Variants in ADAP1 observed in about 807,000 individuals in gnomAD.
ADAP1 encodes arf-GAP with dual PH domain-containing protein 1.
ADAP1 carries 31 observed loss-of-function variants against 54.9 expected under a neutral mutation model. The observed-to-expected ratio is 0.56, with a 90% CI of 0.42 to 0.76. ADAP1 has a LOEUF of 0.76. Among genes scored for constraint, ADAP1 ranks in the 30% least tolerant of loss-of-function variants. ADAP1 has a pLI of 0.00. For synonymous variants in ADAP1, 313 were observed against 202.6 expected (o/e 1.55, Z -4.63); for missense variants, 535 against 512.4 (o/e 1.04, Z -0.42).
At chr7:948,766 G>A (rs897794323) in intron 1 of ADAP1, among the ~76,000 whole-genome samples, 8 of 151,894 alleles carry the variant, frequency 5.3e-5, no homozygotes, top group African/African-American at 1.2e-4. Context: ...GCATGATCTC[G>A]GCTCTCTGCA....
Position 920,958 on chromosome 7 carries a change from C to A in ADAP1, c.306-908G>T. 3 of 1,230,186 alleles carry A rather than the reference C, an allele frequency of 2.4e-6. No homozygotes were observed. Among genetic ancestry groups the A allele is most frequent in the Non-Finnish European group, 3.4e-6 (3 of 875,008 alleles). 76.2% of individuals were successfully genotyped at this position (1,230,186 alleles called of 1,614,324 possible). ...CACGTGAACAGCCTTGGAGACTGGG[C>A]GGGAATCCTCGCCCACAGGATCTGA... On this transcript the variant is annotated intron_variant, in intron 3 of 10. Coordinates refer to ENST00000265846, the MANE Select transcript of ADAP1 (RefSeq NM_006869.4). The surrounding 1 kb of genome is among the most constrained non-coding windows in gnomAD (Gnocchi z 4.5).
At chr7:953,080 C>T (rs1847307568) in intron 1 of ADAP1, among the ~76,000 whole-genome samples, 1 of 152,178 alleles carries the variant, frequency 6.6e-6, no homozygotes, top group African/African-American at 2.4e-5. Context: ...TGGGCCACAG[C>T]AACCCCAGGC....
At chr7:905,622 G>GGAAAGGAGAAAGGAGAAAGGGAAAGGA (rs1562912456) in intron 4 of ADAP1, 1 of 37,590 alleles carries the variant, frequency 2.7e-5, no homozygotes, top group Non-Finnish European at 4.6e-5. Flanking sequence ...AAGGAGAAAG[G>GGAAAGGAGAAAGGAGAAAGGGAAAGGA]GAAAGGAGAA....
intron 6 of ADAP1, among the ~76,000 whole-genome samples, chr7:901,895 A>C (rs1475149235): frequency 6.6e-6 from 1 of 151,644 alleles, no homozygotes; most frequent in Non-Finnish European, 1.5e-5. Flanking sequence ...GGTCCCCCGG[A>C]AATGCAGGGG....
intron 4 of ADAP1, among the ~76,000 whole-genome samples, chr7:910,807 A>C (rs1470379186): frequency 6.6e-6 from 1 of 152,080 alleles, no homozygotes; most frequent in African/African-American, 2.4e-5. Flanking sequence ...GGCCTCTGAG[A>C]ACGGGGCCGA....
rs1275444362 is a variant in ADAP1 at position 926,353 on chromosome 7, G to A, written c.305+200C>T. 6.6e-6 allele frequency among the ~76,000 whole-genome samples: 1 copy of A among 151,108 alleles called. No individual in the cohort carries two copies. Among genetic ancestry groups the A allele is most frequent in the African/African-American group, 2.4e-5 (1 of 41,182 alleles). On this transcript the variant is annotated intron_variant, in intron 3 of 10. Coordinates refer to ENST00000265846, the MANE Select transcript of ADAP1 (RefSeq NM_006869.4). The surrounding 1 kb of genome is among the most constrained non-coding windows in gnomAD (Gnocchi z 4.6). ...ATGACCTTCCCAGCCCCACCCCAGC[G>A]CCCCCCGCCCCAGAACCAAAGCCCG... is the stretch of plus-strand genomic sequence containing the variant.
chr7:925,437 TC>T (rs1482566304), intron 3 of ADAP1, among the ~76,000 whole-genome samples: 1 of 137,828 alleles, frequency 7.3e-6, no homozygotes, highest in Non-Finnish European at 1.6e-5. Context: ...TCCTCCCCTC[TC>T]CCTCCTCCCT....
At chr7:903,173 AG>A (rs969826551) in intron 6 of ADAP1, among the ~76,000 whole-genome samples, 9 of 152,324 alleles carry the variant, frequency 5.9e-5, no homozygotes, top group African/African-American at 2.2e-4. Context: ...AACTGCGGCA[AG>A]GAACACAGCC....
chr7:900,226 G>T, intron 7 of ADAP1, 62 bp from the exon 8 acceptor site: 1 of 1,597,790 alleles, frequency 6.3e-7, no homozygotes, highest in African/African-American at 1.3e-5. Flanking sequence ...GCCCCTCCCT[G>T]GCTGTGCCCC....
rs1311638241 is a variant in ADAP1 at position 906,730 on chromosome 7, T to C, written c.389-1558A>G. Among the ~76,000 whole-genome samples, 36 of 66,944 alleles carry C rather than the reference T, an allele frequency of 5.4e-4. 3 individuals carry two copies. Among genetic ancestry groups the C allele is most frequent in the African/African-American group, 2.1e-3 (19 of 8,860 alleles). 43.9% of individuals were successfully genotyped at this position (66,944 alleles called of 152,430 possible). ...GGGACGGGACATCGGGGACGGGACA[T>C]GGGGGACAGAGTACATAGGGGACAT... On this transcript the variant is annotated intron_variant, in intron 4 of 10. Coordinates refer to ENST00000265846, the MANE Select transcript of ADAP1 (RefSeq NM_006869.4).
chr7:948,859 A>T (rs1259669641), intron 1 of ADAP1, among the ~76,000 whole-genome samples: 1 of 151,870 alleles, frequency 6.6e-6, no homozygotes, highest in Non-Finnish European at 1.5e-5. Context: ...ACCACACCCA[A>T]CTAATTTTTG....
At chr7:927,232 G>A (rs1846421625) in intron 2 of ADAP1, 2 of 1,267,112 alleles carry the variant, frequency 1.6e-6, no homozygotes, top group Non-Finnish European at 2.1e-6. Context: ...CCGTGAAGGA[G>A]GGGAGGTGCT....
intron 8 of ADAP1, 73 bp downstream of exon 8, chr7:900,029 C>A (rs1051751807): frequency 6.4e-7 from 1 of 1,558,412 alleles, no homozygotes; most frequent in Admixed American, 1.7e-5. Flanking sequence ...GCTGGCAAGG[C>A]TGCTGCACTT....
chr7:932,519 G>A (rs1846616769), intron 2 of ADAP1, among the ~76,000 whole-genome samples: 1 of 152,208 alleles, frequency 6.6e-6, no homozygotes, highest in African/African-American at 2.4e-5. Flanking sequence ...TGATGGCAGA[G>A]CAACTTGGAG....
At position 905,300 on chromosome 7, in the gene ADAP1, GGGGGAGACGGA is replaced by G. The variant is rs1845075157; in HGVS notation, c.389-139_389-129del. On this transcript the variant is annotated intron_variant, in intron 4 of 10. Coordinates refer to ENST00000265846, the MANE Select transcript of ADAP1 (RefSeq NM_006869.4). ...GGGACACGGACGGGGGACACGGACA[GGGGGAGACGGA>G]CGGGGAGAGGGGACATGGAGGAGAC... The G allele has an allele frequency of 4.4e-5, 13 of 296,252 alleles. 1 individual carries two copies. Among genetic ancestry groups the G allele is most frequent in the South Asian group, 2.5e-4 (9 of 35,370 alleles). The allele number at this position is 296,252 out of a possible 1,614,324, so 18.4% of individuals were successfully genotyped here.
In ADAP1 at chr7:920,816, G is replaced by T; in HGVS notation, c.306-766C>A. 6.5e-7 allele frequency: 1 copy of T among 1,549,992 alleles called. No individual in the cohort carries two copies. On this transcript the variant is annotated intron_variant, in intron 3 of 10. Coordinates refer to ENST00000265846, the MANE Select transcript of ADAP1 (RefSeq NM_006869.4). The surrounding 1 kb of genome is among the most constrained non-coding windows in gnomAD (Gnocchi z 4.5). ...AAGCCAATACCATTGCAGAAACCAC[G>T]ACCCACACACAGGCCCGGCACGGCC...
intron 3 of ADAP1, among the ~76,000 whole-genome samples, chr7:925,955 G>A (rs3757856): frequency 0.26 from 38,939 of 152,076 alleles, 5,555 homozygotes; most frequent in Middle Eastern, 0.44. Flanking sequence ...CGAGGGGGTC[G>A]GTGCGAACAG....
At chr7:940,330 T>TCACA (rs56715852) in intron 1 of ADAP1, among the ~76,000 whole-genome samples, 4,633 of 140,656 alleles carry the variant, frequency 0.033, 90 homozygotes, top group African/African-American at 0.065. Context: ...ACAGACCCTG[T>TCACA]CACACACACA....
At chr7:929,395 A>G (rs1262496746) in intron 2 of ADAP1, among the ~76,000 whole-genome samples, 1 of 151,044 alleles carries the variant, frequency 6.6e-6, no homozygotes, top group Non-Finnish European at 1.5e-5. Flanking sequence ...AAACACCACG[A>G]ATCGGCCGCA....
Sources: allele counts gnomAD v4.1 joint callset (sites outside exome capture counted in the v4.1 genomes callset), GRCh38; gene constraint gnomAD v4.1.1; non-coding constraint Gnocchi (gnomAD v3.1); transcripts MANE v1.5; gene names NCBI Gene and HGNC (gene_info 2026-07-23, HGNC 2026-07-21).